The following AGL variants were observed in gnomAD, a reference collection of about 807,000 sequenced individuals.
AGL encodes amylo-alpha-1,6-glucosidase and 4-alpha-glucanotransferase.
A neutral mutation model predicts 199.3 loss-of-function variants in AGL; 128 were observed. The observed-to-expected ratio is 0.64, with a 90% CI of 0.56 to 0.74. The LOEUF is 0.74. AGL is among the 30% of genes least tolerant of loss of function. AGL has a pLI of 0.00. For missense variants in AGL, 1,809 were observed against 1,820.8 expected, an observed-to-expected ratio of 0.99 and a Z score of 0.12; for synonymous variants, 584 against 594.7, an observed-to-expected ratio of 0.98 and a Z score of 0.26.
chr1:99,870,307 A>T, intron 5 of AGL, 93 bp from the exon 6 acceptor site: 1 of 1,313,080 alleles, frequency 7.6e-7, no homozygotes, highest in Middle Eastern at 2.1e-4. Flanking sequence ...AATGAGTGGT[A>T]GATCTTTATA....
rs1655528704 is a variant in AGL, at chr1:99,921,773, C to T, written c.*122C>T. The T allele has an allele frequency of 1.4e-5, 9 of 628,688 alleles. No homozygotes were observed. Among genetic ancestry groups the T allele is most frequent in the Middle Eastern group, 4.2e-4 (1 of 2,390 alleles). The allele number at this position is 628,688 out of a possible 1,614,324, so 38.9% of individuals were successfully genotyped here. On this transcript the variant is annotated 3_prime_UTR_variant, in exon 34 of 34. Transcript: ENST00000361915. Reference sequence around the variant, plus strand: ...AATCTCATTTATTATAATATTGATGCTCAATTAGGTAAGATTGTAAAAGCA... The same window carrying T: ...AATCTCATTTATTATAATATTGATGTTCAATTAGGTAAGATTGTAAAAGCA...
chr1:99,884,327 C>CT lies in AGL; in HGVS notation c.2434-5dup. 1.2e-6 allele frequency: 2 copies of CT among 1,610,630 alleles called. No individual in the cohort carries two copies. Among genetic ancestry groups the CT allele is most frequent in the African/African-American group, 1.3e-5 (1 of 74,734 alleles). On this transcript the variant is annotated splice_polypyrimidine_tract_variant and intron_variant, in intron 18 of 33. Transcript: ENST00000361915. ...TTGTTGAATGGATTTTTTTAATGTA[C>CT]TTTTTTTCAAGCTTAATGAAAGTAA...
intron 5 of AGL, among the ~76,000 whole-genome samples, chr1:99,868,399 G>A (rs1650712189): frequency 6.6e-6 from 1 of 152,046 alleles, no homozygotes; most frequent in African/African-American, 2.4e-5. Context: ...GTCACCTGAG[G>A]TCAGGAGTTT....
intron 4 of AGL, among the ~76,000 whole-genome samples, chr1:99,863,513 C>T (rs536756241): frequency 1.6e-4 from 24 of 152,014 alleles, no homozygotes; most frequent in South Asian, 8.3e-4. Context: ...TTCATTTTGG[C>T]GCAATCTCGG....
At chr1:99,850,843 T>G in intron 1 of AGL, 132 bp from the exon 2 acceptor site, 1 of 618,688 alleles carries the variant, frequency 1.6e-6, no homozygotes, top group Non-Finnish European at 2.9e-6. Flanking sequence ...ATCTTAATAG[T>G]TATAAGATTC....
intron 25 of AGL, among the ~76,000 whole-genome samples, chr1:99,899,059 A>G (rs1392121042): frequency 6.6e-6 from 1 of 152,154 alleles, no homozygotes; most frequent in Non-Finnish European, 1.5e-5. Context: ...AGCCTGGGCA[A>G]CAGGGTCTCT....
chr1:99,890,646 A>ATATAT (rs201146666), intron 21 of AGL, among the ~76,000 whole-genome samples: 1,421 of 112,134 alleles, frequency 0.013, 10 homozygotes, highest in Non-Finnish European at 0.02. Context: ...ATTAAGAAAA[A>ATATAT]AAAAATATAT....
chr1:99,892,773 T>C (rs1653009226), intron 24 of AGL, among the ~76,000 whole-genome samples, 166 bp downstream of exon 24: 1 of 152,170 alleles, frequency 6.6e-6, no homozygotes, highest in Non-Finnish European at 1.5e-5. Flanking sequence ...TAACCATGCT[T>C]ACTGTTTAAT....
chr1:99,867,890 A>C (rs1033086216), intron 5 of AGL, among the ~76,000 whole-genome samples: 2 of 152,118 alleles, frequency 1.3e-5, no homozygotes, highest in African/African-American at 2.4e-5. Context: ...CCCAGCCCCT[A>C]CTTGCAGAGC....
At chr1:99,921,455 G>A in intron 33 of AGL, 79 bp from the exon 34 acceptor site, 1 of 972,780 alleles carries the variant, frequency 1.0e-6, no homozygotes, top group Admixed American at 1.7e-5. Flanking sequence ...ACACTAGAAG[G>A]CAAAAATCAC....
At chr1:99,877,863 A>C (rs1244550971) in intron 12 of AGL, 35 bp downstream of exon 12, 7 of 1,599,056 alleles carry the variant, frequency 4.4e-6, no homozygotes, top group Non-Finnish European at 6.0e-6. Flanking sequence ...TTAAGAAAAG[A>C]AATTCAGTGT....
intron 17 of AGL, among the ~76,000 whole-genome samples, chr1:99,882,179 A>G (rs2100762516): frequency 6.6e-6 from 1 of 151,686 alleles, no homozygotes; most frequent in East Asian, 1.9e-4. Flanking sequence ...GGCAACTTAT[A>G]TTTTTACTGC....
At chr1:99,894,042 G>A (rs1000360805) in intron 24 of AGL, among the ~76,000 whole-genome samples, 7 of 151,904 alleles carry the variant, frequency 4.6e-5, no homozygotes, top group Admixed American at 4.6e-4. Flanking sequence ...TTAAAAATTA[G>A]CCAGGCATGG....
intron 2 of AGL, among the ~76,000 whole-genome samples, chr1:99,860,353 A>G (rs1034390068): frequency 6.6e-5 from 10 of 152,064 alleles, no homozygotes; most frequent in African/African-American, 1.2e-4. Context: ...CAGTGGAACT[A>G]AACTTTCCTG....
chr1:99,913,224 A>G (rs1654876084), intron 29 of AGL, among the ~76,000 whole-genome samples: 1 of 152,182 alleles, frequency 6.6e-6, no homozygotes, highest in Non-Finnish European at 1.5e-5. Flanking sequence ...CTGTCTTAAA[A>G]AAAAAAAAAG....
chr1:99,868,505 C>T (rs1480508086), intron 5 of AGL, among the ~76,000 whole-genome samples: 1 of 151,928 alleles, frequency 6.6e-6, no homozygotes, highest in Non-Finnish European at 1.5e-5. Flanking sequence ...CCAGCTACTC[C>T]AGAGGCTGAG....
chr1:99,857,875 TTTTC>T (rs1649697334), intron 2 of AGL, among the ~76,000 whole-genome samples: 2 of 88,310 alleles, frequency 2.3e-5, no homozygotes, highest in African/African-American at 4.4e-5. Context: ...GGCTCTTTTC[TTTTC>T]TCTCTACCTG....
chr1:99,887,894 T>C, intron 20 of AGL, 84 bp from the exon 21 acceptor site: 1 of 1,484,668 alleles, frequency 6.7e-7, no homozygotes. Context: ...CATTTTATGA[T>C]TGTAATTCAG....
In AGL at chr1:99,892,561, T is replaced by C. The variant is rs765357864; in HGVS notation, c.3213T>C (p.Asn1071=). The change falls in exon 24 of 34, where the codon AAT becomes AAC. Residue 1071 remains asparagine (N), a synonymous_variant. Coordinates refer to ENST00000361915, the MANE Select transcript of AGL (RefSeq NM_000642.3). The part of the protein sequence containing the change: ...PALMDVPYRL[N]EITKEKEQCC... ...TAATGGATGTACCTTATAGGTTAAA[T>C]GAGATCACAAAAGAAAAGGAGCAAT... 3.1e-6 allele frequency: 5 copies of C among 1,613,644 alleles called. No individual in the cohort carries two copies. The Admixed American group carries it at 5.0e-5, about 16-fold the overall frequency.
Sources: gnomAD v4.1 joint callset for allele counts (sites outside exome capture counted in the v4.1 genomes callset) on GRCh38, gnomAD v4.1.1 for gene constraint, MANE v1.5 for transcripts, NCBI Gene and HGNC (gene_info 2026-07-23, HGNC 2026-07-21) for gene names.